Variants in TRANK1 observed in about 807,000 individuals in gnomAD.
TRANK1 encodes the protein tetratricopeptide repeat and ankyrin repeat containing 1.
In TRANK1, 198 loss-of-function variants were observed where a neutral mutation model predicts 266.0. The observed-to-expected ratio is 0.74, with a 90% CI of 0.66 to 0.84. The LOEUF is 0.84. TRANK1 is among the 40% of genes least tolerant of loss of function. The probability of loss-of-function intolerance (pLI) is 0.00; values close to 1 mark genes in which losing one functional copy is unlikely to be tolerated. For synonymous variants in TRANK1, 1,396 were observed against 1,384.1 expected (o/e 1.01, Z -0.19); for missense variants, 3,326 against 3,634.6 (o/e 0.92, Z 2.18).
chr3:36,829,189 C>T (rs145246183), intron 23 of TRANK1, among the ~76,000 whole-genome samples: 28 of 152,284 alleles, frequency 1.8e-4, no homozygotes, highest in African/African-American at 6.7e-4. Context: ...ACCTCAATAA[C>T]TATCCACTGA....
intron 20 of TRANK1, among the ~76,000 whole-genome samples, chr3:36,837,723 T>C (rs2078789212): frequency 6.6e-6 from 1 of 152,254 alleles, no homozygotes; most frequent in Non-Finnish European, 1.5e-5. Flanking sequence ...GTGTTAATCT[T>C]GCTGCAGACA....
At chr3:36,853,170 A>G (rs2079007963) in intron 13 of TRANK1, among the ~76,000 whole-genome samples, 1 of 152,224 alleles carries the variant, frequency 6.6e-6, no homozygotes, top group Non-Finnish European at 1.5e-5. Flanking sequence ...CACAACAACA[A>G]ATCCTCACAA....
chr3:36,836,638 T>C (rs1050171029), intron 20 of TRANK1, among the ~76,000 whole-genome samples: 2 of 152,210 alleles, frequency 1.3e-5, no homozygotes, highest in African/African-American at 4.8e-5. Context: ...CATGCAATGA[T>C]TGGGCCCCAT....
intron 2 of TRANK1, 129 bp downstream of exon 2, chr3:36,908,194 A>G (rs2080001205): frequency 9.4e-7 from 1 of 1,062,400 alleles, no homozygotes; most frequent in African/African-American, 1.6e-5. Flanking sequence ...AATGCAGAGA[A>G]GATAAATAGG....
intron 1 of TRANK1, among the ~76,000 whole-genome samples, chr3:36,937,915 T>C (rs1575339241): frequency 6.6e-6 from 1 of 152,120 alleles, no homozygotes; most frequent in Admixed American, 6.6e-5. Context: ...CCCAGGCATC[T>C]CCCCACCCAG....
At chr3:36,829,464 A>T in intron 23 of TRANK1, 100 bp downstream of exon 23, 3 of 1,110,586 alleles carry the variant, frequency 2.7e-6, no homozygotes, top group Middle Eastern at 2.0e-4. Flanking sequence ...CACTATTGAC[A>T]TCACTGGGCT....
At chr3:36,834,593 C>T (rs2078741980) in intron 21 of TRANK1, 169 bp downstream of exon 21, 2 of 652,058 alleles carry the variant, frequency 3.1e-6, no homozygotes, top group Non-Finnish European at 5.0e-6. Context: ...AAATAGAGTC[C>T]TGCTCTCAAA....
At position 36,834,842 on chromosome 3, in the gene TRANK1, C is replaced by T. The variant is rs751610947; in HGVS notation, c.5583G>A (p.Glu1861=). The T allele has an allele frequency of 9.3e-6, 15 of 1,613,574 alleles. No homozygotes were observed. Among genetic ancestry groups the T allele is most frequent in the Non-Finnish European group, 1.3e-5 (15 of 1,179,804 alleles). ...QCYKDAFRCF[E]QIQEFDLALK... ...GTGCTAGATCAAATTCCTGAATCTG[C>T]TCAAAGCATCTGAAAGCGTCTTTGT... Residue 1861 remains glutamate (E), a synonymous_variant, in exon 21 of 24, where the codon GAG becomes GAA. Coordinates refer to ENST00000645898, the MANE Select transcript of TRANK1 (RefSeq NM_001329998.2).
chr3:36,918,765 G>C (rs1036156434), intron 1 of TRANK1, among the ~76,000 whole-genome samples: 1 of 152,008 alleles, frequency 6.6e-6, no homozygotes, highest in Non-Finnish European at 1.5e-5. Flanking sequence ...TTTTCCTTAC[G>C]CACACTATGT....
At chr3:36,830,823 CA>C in intron 22 of TRANK1, 49 bp downstream of exon 22, 1 of 1,518,850 alleles carries the variant, frequency 6.6e-7, no homozygotes, top group Non-Finnish European at 8.8e-7. Context: ...GAAATGTCCT[CA>C]GAGCCCAGGT....
At chr3:36,932,244 C>T (rs762788910) in intron 1 of TRANK1, among the ~76,000 whole-genome samples, 4 of 152,152 alleles carry the variant, frequency 2.6e-5, no homozygotes, top group Admixed American at 6.5e-5. Flanking sequence ...ACTGCCATGG[C>T]GGATAAAGCA....
At chr3:36,903,095 C>T in intron 3 of TRANK1, 54 bp downstream of exon 3, 1 of 1,502,886 alleles carries the variant, frequency 6.7e-7, no homozygotes, top group Non-Finnish European at 8.9e-7. Flanking sequence ...CCTTCATCCA[C>T]CACCCCAATA....
chr3:36,849,711 G>C (rs2078962024), intron 15 of TRANK1, among the ~76,000 whole-genome samples: 1 of 152,198 alleles, frequency 6.6e-6, no homozygotes, highest in African/African-American at 2.4e-5. Flanking sequence ...GGATATATGG[G>C]ACCTGTCTTT....
intron 9 of TRANK1, among the ~76,000 whole-genome samples, chr3:36,867,400 T>C (rs1348919540): frequency 6.6e-6 from 1 of 152,200 alleles, no homozygotes; most frequent in East Asian, 1.9e-4. Flanking sequence ...AGCTGCATAA[T>C]AAATACATGA....
In TRANK1 at chr3:36,857,870, C is replaced by A; in HGVS notation, c.1852G>T (p.Asp618Tyr). 1 of 1,613,242 alleles carries A rather than the reference C, an allele frequency of 6.2e-7. No homozygotes were observed. The highest frequency in any genetic ancestry group is 8.5e-7 in the Non-Finnish European group (1 of 1,179,894). The change falls in exon 13 of 24, where the codon GAC (aspartate) becomes TAC (tyrosine). Residue 618 changes from aspartate (D) to tyrosine (Y), a missense_variant. Asp to Tyr is a radical substitution (Grantham distance 160, BLOSUM62 -3). Coordinates refer to ENST00000645898, the MANE Select transcript of TRANK1 (RefSeq NM_001329998.2). This position sits in a 1 kb window ranked among gnomAD's most constrained non-coding sequence, Gnocchi z 4.3. The stretch of plus-strand genomic sequence containing the variant: ...TTGTTCTTCAGATTGAAGTTGATGT[C>A]AAACTTCACCAGCAGGTCTAACAGC... ...KKLLDLLVKFDINFNLKNKEG... is the reference protein window; with the variant it reads ...KKLLDLLVKFYINFNLKNKEG...
intron 1 of TRANK1, among the ~76,000 whole-genome samples, chr3:36,911,589 A>G (rs1270068958): frequency 4.6e-5 from 7 of 152,254 alleles, no homozygotes; most frequent in Admixed American, 4.6e-4. Flanking sequence ...TTATTGATAC[A>G]ATCACATCAA....
rs2078711170 is a variant in TRANK1 at position 36,832,542 on chromosome 3, A to G, written c.7041T>C (p.Phe2347=). The G allele has an allele frequency of 1.2e-6, 2 of 1,613,840 alleles. No homozygotes were observed. The highest frequency in any genetic ancestry group is 2.2e-5 in the South Asian group (2 of 91,084). ...FLLSSNYPEE[F]EKLLHQEEDN... is the part of the protein sequence containing the mutation. ...CCTCCTCCTGGTGGAGCAGCTTTTC[A>G]AACTCCTCCGGGTAGTTGGAAGAGA... The change falls in exon 22 of 24, where the codon TTT becomes TTC. Residue 2347 remains phenylalanine (F), a synonymous_variant. Coordinates refer to ENST00000645898, the MANE Select transcript of TRANK1 (RefSeq NM_001329998.2).
chr3:36,829,706 C>T (rs756967351), intron 22 of TRANK1, 44 bp from the exon 23 acceptor site: 6 of 1,591,872 alleles, frequency 3.8e-6, no homozygotes, highest in Non-Finnish European at 5.2e-6. Context: ...GATGCCATTG[C>T]AGGAACTAGA....
intron 1 of TRANK1, among the ~76,000 whole-genome samples, chr3:36,939,847 CTAT>C (rs1186637933): frequency 1.3e-5 from 2 of 151,690 alleles, no homozygotes; most frequent in East Asian, 3.9e-4. Flanking sequence ...ACAGGGTAAA[CTAT>C]TATTATTATG....
Sources: gnomAD v4.1 joint callset for allele counts (sites outside exome capture counted in the v4.1 genomes callset) on GRCh38, gnomAD v4.1.1 for gene constraint, Gnocchi (gnomAD v3.1) non-coding constraint, MANE v1.5 for transcripts, NCBI Gene and HGNC (gene_info 2026-07-23, HGNC 2026-07-21) for gene names.